The following MEIS2 variants were observed in gnomAD, a reference collection of about 807,000 sequenced individuals.
MEIS2 encodes homeobox protein Meis2.
Under a neutral mutation model 58.6 loss-of-function variants are expected in MEIS2, and 9 were observed. The ratio of observed to expected loss-of-function variants is 0.15; its 90% CI spans 0.09 to 0.27. The LOEUF is 0.27. Ranked by LOEUF, MEIS2 falls within the 10% of genes least tolerant of loss-of-function variation. MEIS2 has a pLI of 1.00. For synonymous variants in MEIS2, 221 were observed against 228.4 expected, an observed-to-expected ratio of 0.97 and a Z score of 0.29; for missense variants, 427 against 635.0, an observed-to-expected ratio of 0.67 and a Z score of 3.52.
chr15:36,926,228 A>G (rs1057093106), intron 9 of MEIS2, among the ~76,000 whole-genome samples: 1 of 151,832 alleles, frequency 6.6e-6, no homozygotes, highest in Non-Finnish European at 1.5e-5. Flanking sequence ...CCTACTGCAT[A>G]CAACATTAAA....
intron 8 of MEIS2, among the ~76,000 whole-genome samples, chr15:36,999,459 G>A (rs371762152): frequency 4.6e-5 from 7 of 152,226 alleles, no homozygotes; most frequent in African/African-American, 1.7e-4. Flanking sequence ...AATTAGTACT[G>A]AGCCCAGCAA....
chr15:36,977,767 C>G (rs1368494724), intron 8 of MEIS2, among the ~76,000 whole-genome samples: 1 of 152,122 alleles, frequency 6.6e-6, no homozygotes, highest in African/African-American at 2.4e-5. Flanking sequence ...TTAGAAAAGG[C>G]TGGTTGATCT....
intron 8 of MEIS2, among the ~76,000 whole-genome samples, chr15:37,033,962 A>G (rs1023622784): frequency 3.9e-5 from 6 of 152,170 alleles, no homozygotes; most frequent in African/African-American, 1.4e-4. Context: ...CAAGCAGAGG[A>G]GAATTTCCTA....
At chr15:36,980,574 C>A (rs1241614314) in intron 8 of MEIS2, among the ~76,000 whole-genome samples, 2 of 152,140 alleles carry the variant, frequency 1.3e-5, no homozygotes, top group South Asian at 2.1e-4. Flanking sequence ...TCAATTACTT[C>A]CCACTGGGTC....
chr15:37,036,388 T>G (rs2062153825), intron 8 of MEIS2: 1 of 151,518 alleles, frequency 6.6e-6, no homozygotes, highest in Non-Finnish European at 1.5e-5. Flanking sequence ...TGTGGCAAGG[T>G]GCTTTTTTTT....
At chr15:37,059,772 A>G (rs1426000531) in intron 7 of MEIS2, among the ~76,000 whole-genome samples, 1 of 152,074 alleles carries the variant, frequency 6.6e-6, no homozygotes, top group Non-Finnish European at 1.5e-5. Flanking sequence ...CTCCATCTCT[A>G]CTAAAAATAC....
chr15:37,094,679 G>C (rs1893977670), intron 4 of MEIS2, 102 bp from the exon 5 acceptor site: 2 of 926,216 alleles, frequency 2.2e-6, no homozygotes, highest in South Asian at 1.7e-5. Flanking sequence ...AGTTGGGCTG[G>C]GGAGAAGAAA....
At chr15:37,061,895 CTG>C (rs1034281368) in intron 7 of MEIS2, among the ~76,000 whole-genome samples, 1 of 151,888 alleles carries the variant, frequency 6.6e-6, no homozygotes, top group Non-Finnish European at 1.5e-5. Context: ...AATCTTAAAA[CTG>C]TTTGAAAAAA....
chr15:36,917,099 C>T (rs1421482903), intron 9 of MEIS2, among the ~76,000 whole-genome samples: 1 of 152,154 alleles, frequency 6.6e-6, no homozygotes, highest in East Asian at 1.9e-4. Context: ...TCAGGAGAGG[C>T]CTGCAGCTGA....
intron 9 of MEIS2, among the ~76,000 whole-genome samples, chr15:36,926,972 AT>A (rs2057773165): frequency 6.6e-6 from 1 of 152,252 alleles, no homozygotes; most frequent in African/African-American, 2.4e-5. Context: ...TGAATTGGCC[AT>A]TTGAATACCT....
rs2059523803 is a variant in MEIS2, at chr15:36,970,752, T to G, written c.901-20352A>C. Among the ~76,000 whole-genome samples, 3 of 152,256 alleles carry G rather than the reference T, an allele frequency of 2.0e-5. No homozygotes were observed. The South Asian group carries it at 6.2e-4, about 32-fold the overall frequency. ...AACATCAACACCAATTTAATGACTG[T>G]GTACACATCGTAAACTAGAGAATCT... On this transcript the variant is annotated intron_variant, in intron 8 of 11. Coordinates refer to ENST00000561208, the MANE Select transcript of MEIS2 (RefSeq NM_170675.5).
At chr15:37,055,250 A>G (rs2063090871) in intron 7 of MEIS2, among the ~76,000 whole-genome samples, 1 of 152,162 alleles carries the variant, frequency 6.6e-6, no homozygotes, top group African/African-American at 2.4e-5. Context: ...AACTTAAGAC[A>G]ATAGGAAATA....
At chr15:37,017,794 T>C (rs1331250203) in intron 8 of MEIS2, among the ~76,000 whole-genome samples, 1 of 152,208 alleles carries the variant, frequency 6.6e-6, no homozygotes, top group Non-Finnish European at 1.5e-5. Context: ...TTCATTTATT[T>C]CTATCTCACA....
intron 9 of MEIS2, among the ~76,000 whole-genome samples, chr15:36,943,579 C>G (rs1448504973): frequency 2.6e-5 from 4 of 152,096 alleles, no homozygotes; most frequent in African/African-American, 9.7e-5. Flanking sequence ...TTTTTTGGAA[C>G]TGTTTCAGAA....
intron 9 of MEIS2, among the ~76,000 whole-genome samples, chr15:36,949,735 C>T (rs926169433): frequency 6.6e-6 from 1 of 152,004 alleles, no homozygotes; most frequent in African/African-American, 2.4e-5. Context: ...CTCTGCCCCT[C>T]CTTTTCCTCA....
chr15:36,896,605 T>C (rs781696445), intron 10 of MEIS2, 23 bp downstream of exon 10: 1 of 1,594,262 alleles, frequency 6.3e-7, no homozygotes, highest in Non-Finnish European at 8.6e-7. Flanking sequence ...GGGACATAAA[T>C]ATAGATACTA....
intron 8 of MEIS2, among the ~76,000 whole-genome samples, chr15:37,028,990 G>C (rs1250980599): frequency 6.6e-6 from 1 of 152,078 alleles, no homozygotes; most frequent in African/African-American, 2.4e-5. Flanking sequence ...GAATGCTTAG[G>C]ACAGCATGTC....
intron 8 of MEIS2, among the ~76,000 whole-genome samples, chr15:36,952,467 C>T (rs2058785079): frequency 1.3e-5 from 2 of 152,032 alleles, no homozygotes; most frequent in Non-Finnish European, 2.9e-5. Flanking sequence ...GTAATGTCTT[C>T]CAGTGTGCTG....
chr15:36,987,923 C>G (rs2060145491), intron 8 of MEIS2, among the ~76,000 whole-genome samples: 4 of 152,082 alleles, frequency 2.6e-5, no homozygotes, highest in Non-Finnish European at 4.4e-5. Flanking sequence ...TGGTTCAGCT[C>G]TTTTACAATT....
Sources: gnomAD v4.1 joint callset for allele counts (sites outside exome capture counted in the v4.1 genomes callset) on GRCh38, gnomAD v4.1.1 for gene constraint, MANE v1.5 for transcripts, NCBI Gene and HGNC (gene_info 2026-07-23, HGNC 2026-07-21) for gene names.